The following APOL3 variants were observed in gnomAD, a reference collection of about 807,000 sequenced individuals.
The protein encoded by APOL3 is apolipoprotein L3.
APOL3 carries 14 observed loss-of-function variants against 11.6 expected under a neutral mutation model. The observed-to-expected ratio is 1.21, with a 90% CI of 0.80 to 1.89. APOL3 has a LOEUF of 1.89. Among genes scored for constraint, APOL3 ranks in the 40% most tolerant of loss-of-function variants. The pLI is 0.00. For synonymous variants in APOL3, 192 were observed against 190.6 expected (o/e 1.01, Z -0.06); for missense variants, 483 against 492.1 (o/e 0.98, Z 0.17).
Position 36,142,066 on chromosome 22 carries a change from A to G in APOL3, c.351-8T>C. 6.3e-7 allele frequency: 1 copy of G among 1,589,974 alleles called. No individual in the cohort carries two copies. The highest frequency in any genetic ancestry group is 8.6e-7 in the Non-Finnish European group (1 of 1,168,942). ...AGAGCATCTGCCTCATCCCTGTACC[A>G]ATAAAGGACAGATGATTAAGAAAGG... On this transcript the variant is annotated splice_polypyrimidine_tract_variant and splice_region_variant and intron_variant, in intron 2 of 2. Transcript: ENST00000349314.
chr22:36,141,395 CCGGGCTCCT>C, exon 3 of APOL3: 1 of 1,614,194 alleles, frequency 6.2e-7, no homozygotes, highest in East Asian at 2.2e-5. Context: ...CACTCAGGAT[CCGGGCTCCT>C]CTGCTCACTG....
upstream of APOL3, among the ~76,000 whole-genome samples, chr22:36,162,446 G>C (rs2146913511): frequency 6.6e-6 from 1 of 152,240 alleles, no homozygotes; most frequent in African/African-American, 2.4e-5. Flanking sequence ...GGGCTTTTCT[G>C]TGAAAATTAT....
intron 1 of APOL3, among the ~76,000 whole-genome samples, chr22:36,147,191 T>G (rs1603474816): frequency 6.6e-6 from 1 of 152,198 alleles, no homozygotes; most frequent in Non-Finnish European, 1.5e-5. Context: ...AAAGAATATT[T>G]CAACCCTACA....
intron 1 of APOL3, among the ~76,000 whole-genome samples, chr22:36,158,000 A>G (rs1017188036): frequency 1.3e-5 from 2 of 152,180 alleles, no homozygotes; most frequent in African/African-American, 4.8e-5. Flanking sequence ...CAGTGAGCTG[A>G]GATTGCGCCA....
chr22:36,159,305 T>A (rs577416849), intron 1 of APOL3: 1 of 152,196 alleles, frequency 6.6e-6, no homozygotes, highest in South Asian at 2.1e-4. Context: ...GGGTAGGGCA[T>A]CCTAACCCCC....
rs541136456 is a variant in APOL3, at chr22:36,145,550, G to A, written c.273C>T (p.Val91=). 154 of 1,614,180 alleles carry A rather than the reference G, an allele frequency of 9.5e-5. 3 individuals carry two copies. The South Asian group carries it at 1.6e-3, about 17-fold the overall frequency. Residue 91 remains valine (V), a synonymous_variant, in exon 2 of 3, where the codon GTC becomes GTT. Transcript: ENST00000349314. ...GCAGGATTTGCAGATGCACTGGGCT[G>A]ACTCTCTCCCGGAAGTATTTGGTGG...
At chr22:36,144,691 A>G (rs1224397189) in intron 2 of APOL3, among the ~76,000 whole-genome samples, 5 of 152,274 alleles carry the variant, frequency 3.3e-5, no homozygotes, top group Middle Eastern at 3.4e-3. Flanking sequence ...TTTTCAAAGA[A>G]AGTCCTGCTG....
At chr22:36,149,498 A>G (rs2060349820) in intron 1 of APOL3, 1 of 808,378 alleles carries the variant, frequency 1.2e-6, no homozygotes, top group South Asian at 1.5e-5. Flanking sequence ...GGGCCTGGCA[A>G]CATGTGTGAT....
chr22:36,157,099 G>T (rs953176941), intron 1 of APOL3: 1 of 450,996 alleles, frequency 2.2e-6, no homozygotes, highest in Non-Finnish European at 4.5e-6. Flanking sequence ...ATTTTCTCCC[G>T]TGTCCTCCCC....
At chr22:36,166,034 A>G (rs2013850695) in exon 1 of APOL3, 1 of 152,190 alleles carries the variant, frequency 6.6e-6, no homozygotes, top group Non-Finnish European at 1.5e-5. Flanking sequence ...CATCCCAAAG[A>G]AAGAGAAAGT....
upstream of APOL3, chr22:36,165,213 C>G (rs2013827250): frequency 6.7e-6 from 1 of 150,268 alleles, no homozygotes; most frequent in South Asian, 2.1e-4. Flanking sequence ...CTCCTTAACT[C>G]CATTTTTACT....
chr22:36,142,961 C>T (rs1051485895), intron 2 of APOL3, among the ~76,000 whole-genome samples: 14 of 152,194 alleles, frequency 9.2e-5, no homozygotes, highest in African/African-American at 3.1e-4. Flanking sequence ...GGTCTTCACC[C>T]GCTCCTTACC....
intron 1 of APOL3, chr22:36,149,783 A>G (rs2060362018): frequency 4.4e-6 from 2 of 454,616 alleles, no homozygotes; most frequent in South Asian, 3.1e-5. Flanking sequence ...GCTTATTGTA[A>G]ATGACTCCTC....
At chr22:36,155,554 G>A (rs2012637910) in intron 1 of APOL3, among the ~76,000 whole-genome samples, 2 of 152,110 alleles carry the variant, frequency 1.3e-5, no homozygotes, top group South Asian at 2.1e-4. Flanking sequence ...GCTTCTTGCT[G>A]TAAGGGATAA....
chr22:36,163,425 C>T (rs1381349878), upstream of APOL3, among the ~76,000 whole-genome samples: 1 of 152,224 alleles, frequency 6.6e-6, no homozygotes, highest in African/African-American at 2.4e-5. Flanking sequence ...ACCCGAGGCC[C>T]CCTCCCTGCC....
upstream of APOL3, chr22:36,161,068 CA>C: frequency 1.6e-6 from 1 of 618,626 alleles, no homozygotes. Context: ...TCCCCACCCC[CA>C]ATAACACCAC....
At chr22:36,149,080 A>C (rs2060330835) in intron 1 of APOL3, 1 of 1,368,398 alleles carries the variant, frequency 7.3e-7, no homozygotes. Context: ...GGTCACTGAG[A>C]GACTTTCCAT....
chr22:36,146,435 T>C lies in APOL3; in HGVS notation c.224-836A>G, dbSNP rs140130798. On this transcript the variant is annotated intron_variant, in intron 1 of 2. Transcript: ENST00000349314. The stretch of plus-strand genomic sequence containing the variant: ...TGAGTTTCGACCCATCAGTGGGTTA[T>C]GAAAATAGTTCATTTTGTCAAGAGC... 3.9e-5 allele frequency: 6 copies of C among 152,282 alleles called. No homozygotes were observed. The East Asian group carries it at 1.2e-3, about 29-fold the overall frequency. The allele number at this position is 152,282 out of a possible 1,614,324, so 9.4% of individuals were successfully genotyped here. A position where few individuals can be genotyped will look rare whatever the true frequency, so the allele number is the denominator to read the frequency against.
chr22:36,154,458 C>A, intron 1 of APOL3: 1 of 377,846 alleles, frequency 2.6e-6, no homozygotes, highest in South Asian at 2.1e-5. Flanking sequence ...CTTATCGTAA[C>A]AGAGAATGTT....
Sources: gnomAD v4.1 joint callset for allele counts (sites outside exome capture counted in the v4.1 genomes callset) on GRCh38, gnomAD v4.1.1 for gene constraint, MANE v1.5 for transcripts, NCBI Gene and HGNC (gene_info 2026-07-23, HGNC 2026-07-21) for gene names.